The following PPFIA2 variants were observed in gnomAD, a reference collection of about 807,000 sequenced individuals.
PPFIA2 encodes the protein PPFI scaffold protein A2, also known as liprin-alpha-2.
Under a neutral mutation model 175.5 loss-of-function variants are expected in PPFIA2, and 46 were observed. That is an observed-to-expected ratio of 0.26 (90% CI 0.21 to 0.34). PPFIA2 has a LOEUF of 0.34. PPFIA2 is among the 10% of genes least tolerant of loss of function. The probability of loss-of-function intolerance (pLI) is 1.00; values close to 1 mark genes in which losing one functional copy is unlikely to be tolerated. For missense variants in PPFIA2, 1,179 were observed against 1,506.1 expected (o/e 0.78, Z 3.60); for synonymous variants, 568 against 511.4 (o/e 1.11, Z -1.49).
intron 4 of PPFIA2, among the ~76,000 whole-genome samples, chr12:81,468,189 C>A (rs1213694736): frequency 6.6e-6 from 1 of 152,148 alleles, no homozygotes; most frequent in Non-Finnish European, 1.5e-5. Flanking sequence ...AGGAACCAAC[C>A]TACTTCTTCA....
intron 7 of PPFIA2, among the ~76,000 whole-genome samples, chr12:81,419,439 A>G (rs2045881787): frequency 1.3e-5 from 2 of 152,236 alleles, no homozygotes; most frequent in South Asian, 4.1e-4. Context: ...TTATTGAATG[A>G]ATGTTCTTAC....
chr12:81,637,637 A>C (rs2064284286), intron 4 of PPFIA2, among the ~76,000 whole-genome samples: 1 of 152,094 alleles, frequency 6.6e-6, no homozygotes, highest in Admixed American at 6.6e-5. Flanking sequence ...AAGGGTAGGA[A>C]TCAAGCACTA....
chr12:81,280,016 A>AT (rs1325505407), intron 27 of PPFIA2, among the ~76,000 whole-genome samples: 1 of 152,234 alleles, frequency 6.6e-6, no homozygotes, highest in Non-Finnish European at 1.5e-5. Flanking sequence ...ACTTATTTAA[A>AT]GTCTTCCTTC....
chr12:81,630,633 T>G (rs2153496397), intron 4 of PPFIA2, among the ~76,000 whole-genome samples: 1 of 152,186 alleles, frequency 6.6e-6, no homozygotes, highest in Non-Finnish European at 1.5e-5. Flanking sequence ...GATAAACTAT[T>G]TCCATTCCTT....
At chr12:81,382,922 G>A (rs2038058898) in intron 9 of PPFIA2, among the ~76,000 whole-genome samples, 2 of 151,994 alleles carry the variant, frequency 1.3e-5, no homozygotes, top group Non-Finnish European at 2.9e-5. Flanking sequence ...CTCCAAGGTC[G>A]GGGAGGAGAA....
chr12:81,421,451 G>C (rs2046229937), intron 7 of PPFIA2, among the ~76,000 whole-genome samples: 1 of 151,890 alleles, frequency 6.6e-6, no homozygotes. Flanking sequence ...AAGTTAAGTT[G>C]CTATTAACTT....
chr12:81,555,107 T>C (rs776174319), intron 4 of PPFIA2, among the ~76,000 whole-genome samples: 4 of 152,014 alleles, frequency 2.6e-5, no homozygotes, highest in African/African-American at 7.2e-5. Context: ...CAAAGTGCTA[T>C]ATTTTATGTC....
In PPFIA2 at chr12:81,676,870, T is replaced by C. The variant is rs376521196; in HGVS notation, c.250-26A>G. ...CTGAAAAGGGGAGAGGTGTTGATTG[T>C]AAAGTGCTACTCAACAGCATGAAGA... is the stretch of plus-strand genomic sequence containing the variant. On this transcript the variant is annotated intron_variant, in intron 3 of 32. Coordinates refer to ENST00000549396, the MANE Select transcript of PPFIA2 (RefSeq NM_003625.5). The C allele has an allele frequency of 2.5e-4, 386 of 1,550,250 alleles. No individual in the cohort carries two copies. In the Middle Eastern group the frequency reaches 3.7e-3, roughly 15 times the overall value.
chr12:81,553,227 C>A (rs1180811169), intron 4 of PPFIA2, among the ~76,000 whole-genome samples: 1 of 151,808 alleles, frequency 6.6e-6, no homozygotes, highest in South Asian at 2.1e-4. Flanking sequence ...TAAATTGAAG[C>A]ATTCTAAGCA....
chr12:81,270,038 C>T (rs2038605442), intron 28 of PPFIA2, among the ~76,000 whole-genome samples: 1 of 152,082 alleles, frequency 6.6e-6, no homozygotes, highest in Non-Finnish European at 1.5e-5. Flanking sequence ...GTTCATGTAA[C>T]CTAACACCAC....
chr12:81,643,344 C>T (rs1003376066), intron 4 of PPFIA2, among the ~76,000 whole-genome samples: 14 of 151,742 alleles, frequency 9.2e-5, no homozygotes, highest in Non-Finnish European at 1.9e-4. Context: ...TTGCAGACAC[C>T]TTCCCTATAA....
rs567469490 is a variant in PPFIA2, at chr12:81,567,014, T to C, written c.304-109148A>G. On this transcript the variant is annotated intron_variant, in intron 4 of 32. Coordinates refer to ENST00000549396, the MANE Select transcript of PPFIA2 (RefSeq NM_003625.5). Reference sequence around the variant, plus strand: ...GTTTATAAAATATGTAATTGTTGTATAATAATTTGTCTGATCTTTTTCCCT... The same window carrying C: ...GTTTATAAAATATGTAATTGTTGTACAATAATTTGTCTGATCTTTTTCCCT... Among the ~76,000 whole-genome samples the C allele has an allele frequency of 4.5e-4, 68 of 152,350 alleles. 1 individual carries two copies. In the South Asian group the frequency reaches 0.012, roughly 26 times the overall value.
intron 4 of PPFIA2, among the ~76,000 whole-genome samples, chr12:81,547,610 G>C (rs998193086): frequency 6.6e-6 from 1 of 151,944 alleles, no homozygotes; most frequent in Non-Finnish European, 1.5e-5. Context: ...TACTGACTAA[G>C]TTTTAAATGA....
chr12:81,259,805 A>G, intron 32 of PPFIA2, 145 bp from the exon 33 acceptor site: 2 of 580,606 alleles, frequency 3.4e-6, no homozygotes, highest in Non-Finnish European at 5.8e-6. Context: ...GGATGTAGCC[A>G]ACAGCCGTAT....
chr12:81,397,185 G>T (rs191269468), intron 8 of PPFIA2, among the ~76,000 whole-genome samples: 1 of 152,170 alleles, frequency 6.6e-6, no homozygotes, highest in African/African-American at 2.4e-5. Context: ...ATTAGTATAT[G>T]AATAGGATGA....
rs901472337 is a variant in PPFIA2, at chr12:81,546,475, T to C, written c.304-88609A>G. On this transcript the variant is annotated intron_variant, in intron 4 of 32. Coordinates refer to ENST00000549396, the MANE Select transcript of PPFIA2 (RefSeq NM_003625.5). ...AGTAAAAGGAAAGTCACTTCTACAC[T>C]GTTTTAACATACATGAATTTCCCCG... 5 of 152,322 alleles carry C rather than the reference T, an allele frequency of 3.3e-5. No homozygotes were observed. The South Asian group carries it at 8.3e-4, about 25-fold the overall frequency. 9.4% of individuals were successfully genotyped at this position (152,322 alleles called of 1,614,324 possible). A position where few individuals can be genotyped will look rare whatever the true frequency, so the allele number is the denominator to read the frequency against.
intron 4 of PPFIA2, among the ~76,000 whole-genome samples, chr12:81,521,510 T>C (rs774733837): frequency 6.6e-6 from 1 of 152,156 alleles, no homozygotes; most frequent in Non-Finnish European, 1.5e-5. Flanking sequence ...TGAAAAGTAA[T>C]GTCATCCAAA....
At chr12:81,535,527 T>G (rs950275599) in intron 4 of PPFIA2, 13 of 451,504 alleles carry the variant, frequency 2.9e-5, no homozygotes, top group Non-Finnish European at 4.9e-5. Context: ...ATGAAGAACA[T>G]CTAACTCAAT....
intron 3 of PPFIA2, among the ~76,000 whole-genome samples, chr12:81,723,651 T>A (rs1025085559): frequency 3.3e-5 from 5 of 151,048 alleles, no homozygotes; most frequent in African/African-American, 1.2e-4. Flanking sequence ...AGAACACAAT[T>A]ATCTATACAC....
Sources: gnomAD v4.1 joint callset for allele counts (sites outside exome capture counted in the v4.1 genomes callset) on GRCh38, gnomAD v4.1.1 for gene constraint, MANE v1.5 for transcripts, NCBI Gene and HGNC (gene_info 2026-07-23, HGNC 2026-07-21) for gene names.